The following RBFOX1 variants were observed in gnomAD, a reference collection of about 807,000 sequenced individuals.
The protein encoded by RBFOX1 is RNA binding protein fox-1 homolog 1.
Under a neutral mutation model 57.7 loss-of-function variants are expected in RBFOX1, and 8 were observed. That is an observed-to-expected ratio of 0.14 (90% confidence interval 0.08 to 0.25). The LOEUF (loss-of-function observed/expected upper bound fraction) is 0.25, where lower values mean the gene tolerates loss of function less well. RBFOX1 is among the 10% of genes least tolerant of loss of function. The pLI, the probability that RBFOX1 is intolerant of heterozygous loss-of-function variation, is 1.00. For synonymous variants in RBFOX1, 326 were observed against 222.4 expected (o/e 1.47, Z -4.15); for missense variants, 611 against 548.5 (o/e 1.11, Z -1.14).
intron 1 of RBFOX1, among the ~76,000 whole-genome samples, chr16:5,259,079 T>C (rs912434440): frequency 6.6e-6 from 1 of 152,116 alleles, no homozygotes; most frequent in Non-Finnish European, 1.5e-5. Flanking sequence ...ATAAAGCCCA[T>C]TGTCATGAAT....
chr16:7,616,115 A>G (rs2058401837), intron 10 of RBFOX1, among the ~76,000 whole-genome samples: 1 of 152,252 alleles, frequency 6.6e-6, no homozygotes, highest in Non-Finnish European at 1.5e-5. Flanking sequence ...GGGAGTCCCC[A>G]AGACCACTCT....
intron 3 of RBFOX1, among the ~76,000 whole-genome samples, chr16:6,905,932 G>A (rs2069776262): frequency 2.0e-5 from 3 of 152,150 alleles, no homozygotes; most frequent in African/African-American, 7.2e-5. Context: ...ACTTCCTTCT[G>A]CCCTTGTGTT....
chr16:6,860,623 A>G (rs1481879505), intron 3 of RBFOX1, among the ~76,000 whole-genome samples: 1 of 152,214 alleles, frequency 6.6e-6, no homozygotes, highest in East Asian at 1.9e-4. Flanking sequence ...CATTAGGAAG[A>G]CAACAATCAA....
intron 3 of RBFOX1, among the ~76,000 whole-genome samples, chr16:6,870,888 T>A (rs1001918081): frequency 3.3e-5 from 5 of 152,212 alleles, no homozygotes; most frequent in African/African-American, 1.2e-4. Flanking sequence ...AGACTTGAAT[T>A]AAAACTCATT....
intron 4 of RBFOX1, among the ~76,000 whole-genome samples, chr16:7,393,611 G>A (rs148130212): frequency 6.6e-6 from 1 of 152,094 alleles, no homozygotes; most frequent in Non-Finnish European, 1.5e-5. Context: ...GCAGAGGAAG[G>A]TATGGTTTCA....
rs1005932702 is a variant in RBFOX1 at position 6,762,119 on chromosome 16, C to T, written c.-16+107469C>T. Among the ~76,000 whole-genome samples, 4 of 152,120 alleles carry T rather than the reference C, an allele frequency of 2.6e-5. No individual in the cohort carries two copies. The East Asian group carries it at 5.8e-4, about 22-fold the overall frequency. On this transcript the variant is annotated intron_variant, in intron 3 of 15. Coordinates refer to ENST00000550418, the MANE Select transcript of RBFOX1 (RefSeq NM_018723.4). ...TAGTTGAGTTACCTTGGGAAATTAG[C>T]TTAGTTTTCTGCTACCTCTGTCTTC...
chr16:6,288,950 G>C (rs1031849755), intron 1 of RBFOX1, among the ~76,000 whole-genome samples: 46 of 152,038 alleles, frequency 3.0e-4, no homozygotes, highest in African/African-American at 1.1e-3. Context: ...CCCCCAGGAG[G>C]GTATAGACCA....
intron 1 of RBFOX1, among the ~76,000 whole-genome samples, chr16:5,413,033 A>G (rs114393063): frequency 0.017 from 2,523 of 152,276 alleles, 85 homozygotes; most frequent in African/African-American, 0.059. Flanking sequence ...CCACTCTGGC[A>G]TGTTTTGAAG....
intron 4 of RBFOX1, among the ~76,000 whole-genome samples, chr16:7,402,793 A>T (rs543371803): frequency 6.6e-6 from 1 of 152,316 alleles, no homozygotes; most frequent in South Asian, 2.1e-4. Flanking sequence ...TAACCTCAAC[A>T]GCAGGGATAG....
intron 4 of RBFOX1, among the ~76,000 whole-genome samples, chr16:7,376,137 G>C (rs1253029042): frequency 1.3e-5 from 2 of 152,172 alleles, no homozygotes; most frequent in African/African-American, 4.8e-5. Flanking sequence ...CAAATATTTA[G>C]TAAGCAAGGG....
chr16:6,872,164 C>T (rs887779928), intron 3 of RBFOX1, among the ~76,000 whole-genome samples: 1 of 152,126 alleles, frequency 6.6e-6, no homozygotes, highest in African/African-American at 2.4e-5. Flanking sequence ...ACTGTGAGAG[C>T]AGTACTACGT....
At chr16:7,200,956 C>T (rs750008574) in intron 4 of RBFOX1, among the ~76,000 whole-genome samples, 1 of 152,098 alleles carries the variant, frequency 6.6e-6, no homozygotes, top group Non-Finnish European at 1.5e-5. Context: ...GAATATGTAG[C>T]CCTGAACTTC....
At chr16:6,710,261 G>A (rs2063489136) in intron 3 of RBFOX1, among the ~76,000 whole-genome samples, 1 of 152,086 alleles carries the variant, frequency 6.6e-6, no homozygotes, top group Admixed American at 6.6e-5. Context: ...CTCTGTAATA[G>A]CATTGTCTAG....
chr16:7,642,431 G>A (rs977977585), intron 11 of RBFOX1, among the ~76,000 whole-genome samples: 27 of 152,178 alleles, frequency 1.8e-4, no homozygotes, highest in Non-Finnish European at 2.9e-4. Context: ...CATGTGCGTC[G>A]CGTACCCATC....
At chr16:5,542,595 TCAATCTAGTA>T (rs2045006889) in intron 2 of RBFOX1, among the ~76,000 whole-genome samples, 1 of 152,094 alleles carries the variant, frequency 6.6e-6, no homozygotes. Flanking sequence ...ACCTTGCATT[TCAATCTAGTA>T]CAACAATGAA....
chr16:5,753,308 A>C (rs751566711), intron 3 of RBFOX1, among the ~76,000 whole-genome samples: 12 of 152,212 alleles, frequency 7.9e-5, no homozygotes, highest in Non-Finnish European at 1.6e-4. Context: ...ACACTTAAAA[A>C]AATCCTCATA....
chr16:6,945,488 T>C (rs2079324810), intron 3 of RBFOX1, among the ~76,000 whole-genome samples: 1 of 151,640 alleles, frequency 6.6e-6, no homozygotes, highest in Admixed American at 6.6e-5. Context: ...TTTTGTAAAA[T>C]GGGAAATCTA....
At chr16:5,806,826 C>G (rs537971596) in intron 3 of RBFOX1, among the ~76,000 whole-genome samples, 6 of 152,338 alleles carry the variant, frequency 3.9e-5, no homozygotes, top group Non-Finnish European at 7.3e-5. Context: ...CCTCTGAAAG[C>G]CTTCACGTCG....
At chr16:5,442,716 A>G (rs994700332) in intron 1 of RBFOX1, among the ~76,000 whole-genome samples, 2 of 152,134 alleles carry the variant, frequency 1.3e-5, no homozygotes, top group Non-Finnish European at 2.9e-5. Context: ...CCACACACCT[A>G]GCATTATGTT....
Sources: allele counts gnomAD v4.1 joint callset (sites outside exome capture counted in the v4.1 genomes callset), GRCh38; gene constraint gnomAD v4.1.1; transcripts MANE v1.5; gene names NCBI Gene and HGNC (gene_info 2026-07-23, HGNC 2026-07-21).